Variants in MAGI2 observed in about 807,000 individuals in gnomAD.
The protein encoded by MAGI2 is membrane associated guanylate kinase, WW and PDZ domain containing 2.
Under a neutral mutation model 133.3 loss-of-function variants are expected in MAGI2, and 35 were observed. The ratio of observed to expected loss-of-function variants is 0.26; its 90% CI spans 0.20 to 0.35. The LOEUF (loss-of-function observed/expected upper bound fraction) is 0.35. MAGI2 is among the 10% of genes least tolerant of loss of function. MAGI2 has a pLI of 1.00. For synonymous variants in MAGI2, 729 were observed against 710.6 expected, an observed-to-expected ratio of 1.03 and a Z score of -0.41; for missense variants, 1,636 against 1,863.4, an observed-to-expected ratio of 0.88 and a Z score of 2.25.
chr7:78,458,294 C>CAAAAAAAAAAAAAAAA (rs11380893), intron 6 of MAGI2, among the ~76,000 whole-genome samples: 2 of 113,094 alleles, frequency 1.8e-5, no homozygotes, highest in South Asian at 2.9e-4. Flanking sequence ...AACTCGGTCT[C>CAAAAAAAAAAAAAAAA]AAAAAAAAAA....
At chr7:79,369,539 G>A (rs1842931015) in intron 1 of MAGI2, among the ~76,000 whole-genome samples, 1 of 152,166 alleles carries the variant, frequency 6.6e-6, no homozygotes, top group Admixed American at 6.5e-5. Flanking sequence ...ATGCTACCAG[G>A]AGAAATGAAG....
intron 1 of MAGI2, among the ~76,000 whole-genome samples, chr7:79,385,624 G>A (rs972676185): frequency 5.3e-5 from 8 of 151,704 alleles, no homozygotes; most frequent in South Asian, 2.1e-4. Flanking sequence ...AGATCATGCC[G>A]TATTTTTCTT....
At chr7:78,536,443 T>A (rs1280995852) in intron 3 of MAGI2, among the ~76,000 whole-genome samples, 3 of 152,116 alleles carry the variant, frequency 2.0e-5, no homozygotes, top group Non-Finnish European at 2.9e-5. Context: ...TTCCCCTGTC[T>A]TGATAAGTTG....
chr7:78,210,575 A>C (rs1242248684), intron 10 of MAGI2, among the ~76,000 whole-genome samples: 2 of 152,166 alleles, frequency 1.3e-5, no homozygotes, highest in Non-Finnish European at 2.9e-5. Flanking sequence ...CTACATTTTG[A>C]AGTTTGCACC....
At position 78,403,374 on chromosome 7, in the gene MAGI2, C is replaced by T. The variant is rs180745748; in HGVS notation, c.1046-34161G>A. Among the ~76,000 whole-genome samples, 41 of 152,294 alleles carry T rather than the reference C, an allele frequency of 2.7e-4. No homozygotes were observed. The East Asian group carries it at 3.3e-3, about 12-fold the overall frequency. ...ATAGTATTCCATGGTGTATATGTGC[C>T]ACATTTTCCTAATCTAGTCTATCAT... On this transcript the variant is annotated intron_variant, in intron 6 of 21. Coordinates refer to ENST00000354212, the MANE Select transcript of MAGI2 (RefSeq NM_012301.4).
chr7:79,062,671 T>C (rs1813870035), intron 1 of MAGI2, among the ~76,000 whole-genome samples: 1 of 152,130 alleles, frequency 6.6e-6, no homozygotes, highest in African/African-American at 2.4e-5. Context: ...TTCATGAGTC[T>C]ATAATTTGAA....
intron 1 of MAGI2, among the ~76,000 whole-genome samples, chr7:79,399,095 C>CTTTTTTTTTTTTTTTTTTTT (rs767332496): frequency 6.6e-5 from 7 of 106,290 alleles, no homozygotes; most frequent in African/African-American, 1.2e-4. Flanking sequence ...TTTTTCTTTT[C>CTTTTTTTTTTTTTTTTTTTT]TTTTTTTTTT....
At position 78,632,794 on chromosome 7, in the gene MAGI2, T is replaced by C. The variant is rs1809160250; in HGVS notation, c.419-5555A>G. Among the ~76,000 whole-genome samples the C allele has an allele frequency of 2.0e-5, 3 of 151,922 alleles. No individual in the cohort carries two copies. In the South Asian group the frequency reaches 6.2e-4, roughly 32 times the overall value. On this transcript the variant is annotated intron_variant, in intron 2 of 21. Coordinates refer to ENST00000354212, the MANE Select transcript of MAGI2 (RefSeq NM_012301.4). ...AAAGGGAACACTTACACACTGTTAT[T>C]AGAGTGTAAATTAGTTCAGCCATTG...
chr7:78,163,767 C>T (rs948468223), intron 15 of MAGI2, among the ~76,000 whole-genome samples: 17 of 151,728 alleles, frequency 1.1e-4, no homozygotes, highest in Non-Finnish European at 1.8e-4. Flanking sequence ...ATTAGCTGGG[C>T]GTGGTGGTGG....
At chr7:79,371,551 T>C (rs1052302629) in intron 1 of MAGI2, among the ~76,000 whole-genome samples, 3 of 152,158 alleles carry the variant, frequency 2.0e-5, no homozygotes, top group Admixed American at 6.6e-5. Context: ...CAATTGCCTA[T>C]AGCATTCGAT....
chr7:78,251,110 A>G (rs10258200), intron 10 of MAGI2, among the ~76,000 whole-genome samples: 9,268 of 152,272 alleles, frequency 0.061, 977 homozygotes, highest in African/African-American at 0.21. Context: ...GTAATATACC[A>G]TTATTAATAA....
At chr7:78,629,147 T>C (rs1808688094) in intron 2 of MAGI2, among the ~76,000 whole-genome samples, 1 of 152,164 alleles carries the variant, frequency 6.6e-6, no homozygotes, top group Non-Finnish European at 1.5e-5. Context: ...TGTGCTCTTC[T>C]TGGGAGGCCC....
At chr7:79,280,007 G>A (rs1206434152) in intron 1 of MAGI2, among the ~76,000 whole-genome samples, 2 of 152,020 alleles carry the variant, frequency 1.3e-5, no homozygotes, top group African/African-American at 2.4e-5. Flanking sequence ...ACTAGGAGGA[G>A]GTCTTTTTTA....
chr7:78,392,618 C>T (rs539752932), intron 6 of MAGI2, among the ~76,000 whole-genome samples: 1 of 152,096 alleles, frequency 6.6e-6, no homozygotes, highest in African/African-American at 2.4e-5. Context: ...AAAGACTTAT[C>T]CACGCACTTG....
chr7:79,141,965 A>T (rs1822177557), intron 1 of MAGI2, among the ~76,000 whole-genome samples: 1 of 152,176 alleles, frequency 6.6e-6, no homozygotes, highest in South Asian at 2.1e-4. Context: ...TGCCTATATT[A>T]TCTCGATGGA....
At position 78,160,113 on chromosome 7, in the gene MAGI2, A is replaced by T; in HGVS notation, c.2757T>A (p.Ser919Arg). The change falls in exon 16 of 22, where the codon AGT becomes AGA. Residue 919 changes from serine (S) to arginine (R), a missense_variant. Ser to Arg is a moderately radical substitution (Grantham distance 110). Coordinates refer to ENST00000354212, the MANE Select transcript of MAGI2 (RefSeq NM_012301.4). ...TCTCTTTGCGGTGAATGACCACATC[A>T]CTGGTCTGCAGGCTGTGGGAGGCGA... Reference protein sequence around the residue: ...EGFASHSLQTSDVVIHRKENE... With the variant: ...EGFASHSLQTRDVVIHRKENE... The T allele has an allele frequency of 6.2e-7, 1 of 1,611,592 alleles. No homozygotes were observed. The highest frequency in any genetic ancestry group is 8.5e-7 in the Non-Finnish European group (1 of 1,178,852).
At chr7:78,705,700 G>A (rs1414907417) in intron 2 of MAGI2, among the ~76,000 whole-genome samples, 10 of 151,994 alleles carry the variant, frequency 6.6e-5, no homozygotes, top group Admixed American at 2.0e-4. Context: ...ATATTTTCTG[G>A]GAGAACTGTG....
chr7:78,699,935 G>T (rs1040932305), intron 2 of MAGI2, among the ~76,000 whole-genome samples: 2 of 152,074 alleles, frequency 1.3e-5, no homozygotes, highest in Non-Finnish European at 2.9e-5. Flanking sequence ...TCCCCCATTT[G>T]AGAAGAGAAA....
At chr7:79,116,417 T>C (rs1391054936) in intron 1 of MAGI2, among the ~76,000 whole-genome samples, 1 of 152,122 alleles carries the variant, frequency 6.6e-6, no homozygotes, top group Non-Finnish European at 1.5e-5. Flanking sequence ...TACTCACAAC[T>C]CAAGTGTCAG....
Sources: gnomAD v4.1 joint callset for allele counts (sites outside exome capture counted in the v4.1 genomes callset) on GRCh38, gnomAD v4.1.1 for gene constraint, MANE v1.5 for transcripts, NCBI Gene and HGNC (gene_info 2026-07-23, HGNC 2026-07-21) for gene names.